CACNG8: variants seen among roughly 807,000 people sequenced by gnomAD.
The protein encoded by CACNG8 is voltage-dependent calcium channel gamma-8 subunit.
In CACNG8, 5 loss-of-function variants were observed where a neutral mutation model predicts 26.9. The observed-to-expected ratio is 0.19, with a 90% CI of 0.10 to 0.39. The LOEUF (loss-of-function observed/expected upper bound fraction) is 0.39. Among genes scored for constraint, CACNG8 ranks in the 10% least tolerant of loss-of-function variants. The pLI, the probability that CACNG8 is intolerant of heterozygous loss-of-function variation, is 1.00. For synonymous variants in CACNG8, 321 were observed against 296.7 expected, an observed-to-expected ratio of 1.08 and a Z score of -0.84; for missense variants, 473 against 609.4, an observed-to-expected ratio of 0.78 and a Z score of 2.36.
Position 53,989,065 on chromosome 19 carries a change from T to G in CACNG8, c.*6216T>G, listed in dbSNP as rs1468332385. 1 of 152,208 alleles carries G rather than the reference T, an allele frequency of 6.6e-6. No homozygotes were observed. Among genetic ancestry groups the G allele is most frequent in the Non-Finnish European group, 1.5e-5 (1 of 68,062 alleles). 9.4% of individuals were successfully genotyped at this position (152,208 alleles called of 1,614,324 possible). ...GGAGGATTGCTTGAGGCTTGGCGTT[T>G]GAGACCAGCCTGGGCAATATAGTAA... On this transcript the variant is annotated 3_prime_UTR_variant, in exon 4 of 4. Coordinates refer to ENST00000270458, the MANE Select transcript of CACNG8 (RefSeq NM_031895.6).
chr19:53,971,927 A>C (rs1452646769), intron 1 of CACNG8, among the ~76,000 whole-genome samples: 1 of 151,298 alleles, frequency 6.6e-6, no homozygotes, highest in Non-Finnish European at 1.5e-5. Flanking sequence ...CCATCCATGC[A>C]CAAGAAAAAC....
intron 1 of CACNG8, among the ~76,000 whole-genome samples, chr19:53,963,627 G>A (rs2069255731): frequency 6.6e-6 from 1 of 151,902 alleles, no homozygotes; most frequent in African/African-American, 2.4e-5. Context: ...GGCACCCTGC[G>A]GAATTCCTCG....
Position 53,982,872 on chromosome 19 carries a change from G to T in CACNG8, c.*23G>T, listed in dbSNP as rs1279529815. On this transcript the variant is annotated 3_prime_UTR_variant, in exon 4 of 4. Coordinates refer to ENST00000270458, the MANE Select transcript of CACNG8 (RefSeq NM_031895.6). The surrounding 1 kb of genome is among the most constrained non-coding windows in gnomAD (Gnocchi z 8.4). ...TAGGGGCGCGGCGGGGGAGCCGAGGGGCGTGTCCGGGGCGCGTGCGCGGGC... is the reference window on the plus strand; with the variant it reads ...TAGGGGCGCGGCGGGGGAGCCGAGGTGCGTGTCCGGGGCGCGTGCGCGGGC... 4.0e-6 allele frequency: 5 copies of T among 1,260,936 alleles called. No individual in the cohort carries two copies. The highest frequency in any genetic ancestry group is 6.3e-4 in the Middle Eastern group (2 of 3,158). 78.1% of individuals were successfully genotyped at this position (1,260,936 alleles called of 1,614,324 possible). A position where few individuals can be genotyped will look rare whatever the true frequency, so the allele number is the denominator to read the frequency against.
chr19:53,978,184 C>T lies in CACNG8; in HGVS notation c.322C>T (p.Pro108Ser). The T allele has an allele frequency of 1.2e-6, 2 of 1,613,288 alleles. No homozygotes were observed. Among genetic ancestry groups the T allele is most frequent in the South Asian group, 2.2e-5 (2 of 91,012 alleles). Residue 108 changes from proline to serine, a missense_variant, in exon 2 of 4, where the codon CCG becomes TCG. Transcript: ENST00000270458. Reference sequence around the variant, plus strand: ...CGTCTGCGTGAAGATCAATCATTTCCCGGAGGACACGGACTACGACCACGA... The same window carrying T: ...CGTCTGCGTGAAGATCAATCATTTCTCGGAGGACACGGACTACGACCACGA...
intron 2 of CACNG8, among the ~76,000 whole-genome samples, chr19:53,978,730 G>C (rs1482573013): frequency 6.8e-6 from 1 of 147,194 alleles, no homozygotes; most frequent in African/African-American, 2.5e-5. Flanking sequence ...GGTTTTAGGG[G>C]TGGGTGGAAA....
intron 1 of CACNG8, 52 bp from the exon 2 acceptor site, chr19:53,978,094 G>A: frequency 4.5e-6 from 4 of 881,346 alleles, no homozygotes; most frequent in Non-Finnish European, 7.3e-6. Context: ...GGGTTGCCCC[G>A]CCCCCAACCC....
rs192689250 is a variant in CACNG8 at position 53,975,735 on chromosome 19, C to G, written c.284-2411C>G. ...TTAAGCACTCAATATGCACTAGGCA[C>G]TGTTCTAGATGCTGGTAATACAGTG... is the stretch of plus-strand genomic sequence containing the variant. On this transcript the variant is annotated intron_variant, in intron 1 of 3. Coordinates refer to ENST00000270458, the MANE Select transcript of CACNG8 (RefSeq NM_031895.6). 2.2e-3 allele frequency among the ~76,000 whole-genome samples: 334 copies of G among 152,312 alleles called. 2 individuals carry two copies. The highest frequency in any genetic ancestry group is 9.2e-3 in the Admixed American group (141 of 15,286).
At chr19:53,972,783 G>A (rs1314914521) in intron 1 of CACNG8, among the ~76,000 whole-genome samples, 1 of 152,166 alleles carries the variant, frequency 6.6e-6, no homozygotes, top group African/African-American at 2.4e-5. Flanking sequence ...ACGCAGCTGG[G>A]AAGTGGTACG....
At chr19:53,973,086 C>T (rs181521377) in intron 1 of CACNG8, among the ~76,000 whole-genome samples, 5 of 152,300 alleles carry the variant, frequency 3.3e-5, no homozygotes, top group Admixed American at 2.0e-4. Context: ...ACCTGGTGCA[C>T]GGTTAGTGCT....
At chr19:53,969,921 C>T (rs965229098) in intron 1 of CACNG8, among the ~76,000 whole-genome samples, 1 of 151,114 alleles carries the variant, frequency 6.6e-6, no homozygotes, top group Admixed American at 6.6e-5. Context: ...CACCTGAGGC[C>T]AGGAGTTCGA....
intron 1 of CACNG8, among the ~76,000 whole-genome samples, chr19:53,977,398 G>A (rs1426490416): frequency 6.6e-6 from 1 of 152,102 alleles, no homozygotes; most frequent in Admixed American, 6.5e-5. Flanking sequence ...TGCTAGAGGT[G>A]GTAAAACATT....
intron 3 of CACNG8, among the ~76,000 whole-genome samples, chr19:53,980,450 T>G (rs1600036125): frequency 6.6e-6 from 1 of 151,818 alleles, no homozygotes; most frequent in African/African-American, 2.4e-5. Context: ...ATGAGGAGCC[T>G]GCTTTAAGGG....
Position 53,981,982 on chromosome 19 carries a change from G to A in CACNG8, c.509-98G>A, listed in dbSNP as rs1450225558. ...GGGGCCTAGACCGCCTGGGGGTGGC[G>A]CCTGGGCCCGCTGGCGCAGGCGGGC... On this transcript the variant is annotated intron_variant, in intron 3 of 3. Transcript: ENST00000270458. The A allele has an allele frequency of 1.8e-5, 24 of 1,325,038 alleles. No individual in the cohort carries two copies. The South Asian group carries it at 3.0e-4, about 16-fold the overall frequency. The allele number at this position is 1,325,038 out of a possible 1,614,324, so 82.1% of individuals were successfully genotyped here. A position where few individuals can be genotyped will look rare whatever the true frequency, so the allele number is the denominator to read the frequency against.
chr19:53,979,802 G>A (rs2069353134), intron 2 of CACNG8, 65 bp from the exon 3 acceptor site: 1 of 1,498,796 alleles, frequency 6.7e-7, no homozygotes, highest in African/African-American at 1.4e-5. Flanking sequence ...CCGGGAAGGG[G>A]GCGCAGGCGG....
At chr19:53,967,950 G>T (rs900087845) in intron 1 of CACNG8, among the ~76,000 whole-genome samples, 32 of 152,102 alleles carry the variant, frequency 2.1e-4, no homozygotes, top group Non-Finnish European at 4.7e-4. Flanking sequence ...GCTGGATTTG[G>T]CCTGTGAGCC....
At chr19:53,965,119 G>A (rs2069265185) in intron 1 of CACNG8, among the ~76,000 whole-genome samples, 1 of 152,170 alleles carries the variant, frequency 6.6e-6, no homozygotes, top group African/African-American at 2.4e-5. Context: ...TGAGAAAGGG[G>A]CCGAGCCAAG....
Position 53,987,516 on chromosome 19 carries a change from G to A in CACNG8, c.*4667G>A, listed in dbSNP as rs1441384511. On this transcript the variant is annotated 3_prime_UTR_variant, in exon 4 of 4. Transcript: ENST00000270458. ...GCCTGGACCAAGGTGGAGTTAGTGG[G>A]ATGGAGGAAGTGGAAGAAGGCATGG... is the stretch of plus-strand genomic sequence containing the variant. The A allele has an allele frequency of 6.5e-6, 1 of 152,810 alleles. No homozygotes were observed. The highest frequency in any genetic ancestry group is 1.5e-5 in the Non-Finnish European group (1 of 68,154). The allele number at this position is 152,810 out of a possible 1,614,324, so 9.5% of individuals were successfully genotyped here. A position where few individuals can be genotyped will look rare whatever the true frequency, so the allele number is the denominator to read the frequency against.
In CACNG8 at chr19:53,982,153, G is replaced by A. The variant is rs1325088974; in HGVS notation, c.582G>A (p.Glu194=). 1.2e-6 allele frequency: 2 copies of A among 1,612,654 alleles called. No individual in the cohort carries two copies. The highest frequency in any genetic ancestry group is 2.2e-5 in the South Asian group (2 of 90,904). Residue 194 remains glutamate, a synonymous_variant, in exon 4 of 4, where the codon GAG becomes GAA. Coordinates refer to ENST00000270458, the MANE Select transcript of CACNG8 (RefSeq NM_031895.6). The surrounding 1 kb of genome is among the most constrained non-coding windows in gnomAD (Gnocchi z 8.4). The stretch of plus-strand genomic sequence containing the variant: ...GCGAGCCGGGCCCGAAGCGGGACGA[G>A]GAGAAGAAAAACCACTACTCGTACG...
At position 53,982,256 on chromosome 19, in the gene CACNG8, G is replaced by C. The variant is rs1255079242; in HGVS notation, c.685G>C (p.Glu229Gln). 1.1e-5 allele frequency: 17 copies of C among 1,612,310 alleles called. No homozygotes were observed. Among genetic ancestry groups the C allele is most frequent in the Non-Finnish European group, 1.4e-5 (17 of 1,179,538 alleles). ...CGTGCTGGCCGTCAACATCTACATC[G>C]AGCGCAGCCGCGAGGCGCACTGCCA... is the stretch of plus-strand genomic sequence containing the variant. Residue 229 changes from glutamate to glutamine, a missense_variant, in exon 4 of 4, where the codon GAG (glutamate) becomes CAG (glutamine). Glu to Gln is a conservative substitution (Grantham distance 29). Transcript: ENST00000270458. The surrounding 1 kb of genome is among the most constrained non-coding windows in gnomAD (Gnocchi z 8.4).
Sources: allele counts gnomAD v4.1 joint callset (sites outside exome capture counted in the v4.1 genomes callset), GRCh38; gene constraint gnomAD v4.1.1; non-coding constraint Gnocchi (gnomAD v3.1); transcripts MANE v1.5; gene names NCBI Gene and HGNC (gene_info 2026-07-23, HGNC 2026-07-21).